The following CDC23 variants were observed in gnomAD, a reference collection of about 807,000 sequenced individuals.
CDC23 encodes the protein cell division cycle protein 23 homolog.
In CDC23, 26 loss-of-function variants were observed where a neutral mutation model predicts 81.7. The observed-to-expected ratio is 0.32, with a 90% CI of 0.23 to 0.44. CDC23 has a LOEUF of 0.44. Among genes scored for constraint, CDC23 ranks in the 20% least tolerant of loss-of-function variants. The probability of loss-of-function intolerance (pLI) is 1.00; values close to 1 mark genes in which losing one functional copy is unlikely to be tolerated. For synonymous variants in CDC23, 267 were observed against 270.8 expected, an observed-to-expected ratio of 0.99 and a Z score of 0.14; for missense variants, 519 against 728.0, an observed-to-expected ratio of 0.71 and a Z score of 3.30.
intron 9 of CDC23, among the ~76,000 whole-genome samples, chr5:138,193,596 A>T (rs1292275407): frequency 1.3e-5 from 2 of 149,986 alleles, no homozygotes; most frequent in Non-Finnish European, 1.5e-5. Context: ...ACAACATCTT[A>T]AAAAAAAAGG....
chr5:138,195,797 ATG>A (rs1204052028), intron 9 of CDC23, among the ~76,000 whole-genome samples: 15 of 128,046 alleles, frequency 1.2e-4, no homozygotes, highest in Non-Finnish European at 1.6e-4. Context: ...TATTTTATAT[ATG>A]TGTATATATA....
intron 15 of CDC23, 68 bp downstream of exon 15, chr5:138,189,565 G>T: frequency 6.6e-7 from 1 of 1,517,266 alleles, no homozygotes; most frequent in African/African-American, 1.4e-5. Flanking sequence ...GCCAAGGTAG[G>T]CTTTCCACTT....
chr5:138,197,499 T>A (rs4552586), intron 9 of CDC23, among the ~76,000 whole-genome samples: 107,207 of 146,290 alleles, frequency 0.73, 39,947 homozygotes, highest in South Asian at 0.81. Context: ...ATATTTATTT[T>A]TTTTTTTTTT....
At chr5:138,192,146 C>G in intron 11 of CDC23, 123 bp downstream of exon 11, 12 of 1,277,430 alleles carry the variant, frequency 9.4e-6, no homozygotes, top group Non-Finnish European at 1.2e-5. Flanking sequence ...CCTTCAGCAA[C>G]TTTAACCTCA....
At chr5:138,195,766 A>T (rs1299361454) in intron 9 of CDC23, among the ~76,000 whole-genome samples, 52 of 99,412 alleles carry the variant, frequency 5.2e-4, no homozygotes, top group Non-Finnish European at 7.2e-4. Context: ...TACATATATT[A>T]TATATGTGTA....
intron 11 of CDC23, 161 bp from the exon 12 acceptor site, chr5:138,192,098 C>T: frequency 2.2e-6 from 2 of 917,136 alleles, no homozygotes. Flanking sequence ...TACTATTAAC[C>T]CATTAGTGAA....
At chr5:138,211,448 A>T (rs989440788) in intron 2 of CDC23, among the ~76,000 whole-genome samples, 1 of 152,146 alleles carries the variant, frequency 6.6e-6, no homozygotes, top group Non-Finnish European at 1.5e-5. Flanking sequence ...GATCACCTGA[A>T]GTCAGGAGTT....
In CDC23 at chr5:138,198,753, C is replaced by T. The variant is rs928751426; in HGVS notation, c.684G>A (p.Trp228Ter). 1 of 1,613,938 alleles carries T rather than the reference C, an allele frequency of 6.2e-7. No homozygotes were observed. The highest frequency in any genetic ancestry group is 8.5e-7 in the Non-Finnish European group (1 of 1,179,998). Residue 228 changes from tryptophan (W) to a stop codon, truncating the protein, a stop_gained, in exon 7 of 16, where the codon TGG becomes TGA. Coordinates refer to ENST00000394886, the MANE Select transcript of CDC23 (RefSeq NM_004661.4). LOFTEE classifies it high-confidence loss of function. ...TATGAGCCAGAAAAAACTCTTTCAT[C>T]CAGGTGTCTGGCAAAGACAGGAACT... ...MLKFLSLPDT[W>*]MKEFFLAHIY... is the part of the protein sequence containing the mutation.
At chr5:138,209,289 G>A (rs1755086833) in intron 2 of CDC23, among the ~76,000 whole-genome samples, 1 of 151,774 alleles carries the variant, frequency 6.6e-6, no homozygotes, top group Non-Finnish European at 1.5e-5. Context: ...TTAGCCAGGT[G>A]TGGTGGTGAG....
chr5:138,198,488 T>C lies in CDC23; in HGVS notation c.868A>G (p.Arg290Gly). 6.2e-7 allele frequency: 1 copy of C among 1,614,166 alleles called. No homozygotes were observed. The highest frequency in any genetic ancestry group is 2.2e-5 in the East Asian group (1 of 44,880). Residue 290 changes from arginine (R) to glycine (G), a missense_variant, in exon 8 of 16, where the codon AGG (arginine) becomes GGG (glycine). Around this residue, in one of 4 missense-constraint regions of CDC23, gnomAD observed 180 missense variants for 239.3 expected, o/e 0.75. Coordinates refer to ENST00000394886, the MANE Select transcript of CDC23 (RefSeq NM_004661.4). ...TCAATCCTGTAAGGGTCTTGTTTCC[T>C]TAGCTCATTAAAAATGGAGAGGGCT... Reference protein sequence around the residue: ...DKALSIFNELRKQDPYRIENM... With the variant: ...DKALSIFNELGKQDPYRIENM...
At chr5:138,195,179 G>A (rs17228477) in intron 9 of CDC23, among the ~76,000 whole-genome samples, 6 of 151,670 alleles carry the variant, frequency 4.0e-5, no homozygotes, top group African/African-American at 1.2e-4. Flanking sequence ...AAAGCAAGCA[G>A]CCCATTAAAC....
chr5:138,191,844 G>T lies in CDC23; in HGVS notation c.1362+18C>A. ...AGCAGATTTCCACTCAAATTCTTCAGGACCCAATTTAAGGTACCTTTTTGG... is the reference window on the plus strand; with the variant it reads ...AGCAGATTTCCACTCAAATTCTTCATGACCCAATTTAAGGTACCTTTTTGG... On this transcript the variant is annotated intron_variant, in intron 12 of 15. Coordinates refer to ENST00000394886, the MANE Select transcript of CDC23 (RefSeq NM_004661.4). 1 of 1,599,226 alleles carries T rather than the reference G, an allele frequency of 6.3e-7. No homozygotes were observed. Among genetic ancestry groups the T allele is most frequent in the South Asian group, 1.1e-5 (1 of 90,740 alleles).
At chr5:138,194,942 G>A (rs1754867908) in intron 9 of CDC23, among the ~76,000 whole-genome samples, 2 of 151,440 alleles carry the variant, frequency 1.3e-5, no homozygotes, top group East Asian at 1.9e-4. Flanking sequence ...GGCTGGTCTC[G>A]AACTCCTGAG....
In CDC23 at chr5:138,213,246, T is replaced by G. The variant is rs777100864; in HGVS notation, c.67A>C (p.Asn23His). ...TAAVAPVLSI[N>H]SDFSDLREIK... is the part of the protein sequence containing the mutation. ...TCCCGCAAATCTGAGAAATCGCTGTTTATGGACAGGACAGGCGCCACTGCC... is the reference window on the plus strand; with the variant it reads ...TCCCGCAAATCTGAGAAATCGCTGTGTATGGACAGGACAGGCGCCACTGCC... The change falls in exon 1 of 16, where the codon AAC becomes CAC. Residue 23 changes from asparagine to histidine, a missense_variant. This residue lies in a region of CDC23 where 126 missense variants were observed against 116.2 expected (regional missense o/e 1.08). Transcript: ENST00000394886. 14 of 1,613,976 alleles carry G rather than the reference T, an allele frequency of 8.7e-6. No homozygotes were observed. Among genetic ancestry groups the G allele is most frequent in the African/African-American group, 1.3e-5 (1 of 74,900 alleles).
In CDC23 at chr5:138,213,058, G is replaced by T; in HGVS notation, c.167C>A (p.Ala56Glu). 1 of 1,613,956 alleles carries T rather than the reference G, an allele frequency of 6.2e-7. No individual in the cohort carries two copies. The highest frequency in any genetic ancestry group is 8.5e-7 in the Non-Finnish European group (1 of 1,179,986). Residue 56 changes from alanine (A) to glutamate (E), a missense_variant, in exon 2 of 16, where the codon GCG becomes GAG. Around this residue, in one of 4 missense-constraint regions of CDC23, gnomAD observed 126 missense variants for 116.2 expected, o/e 1.08. Coordinates refer to ENST00000394886, the MANE Select transcript of CDC23 (RefSeq NM_004661.4). ...TGCAGGGAGAGAGAAAGCCAACTCC[G>T]CCGACCTGGAACACCCACACAAACT... Reference protein sequence around the residue: ...RGLLHSSKWSAELAFSLPALP... With the variant: ...RGLLHSSKWSEELAFSLPALP...
rs1754837791 is a variant in CDC23, at chr5:138,192,486, C to T, written c.1166+18G>A. 5.6e-6 allele frequency: 9 copies of T among 1,613,550 alleles called. No homozygotes were observed. The highest frequency in any genetic ancestry group is 5.9e-6 in the Non-Finnish European group (7 of 1,179,692). ...AACCACAGCAATCTGCTCTACCTCA[C>T]CACCTATAGATAATCACCTATAAGC... On this transcript the variant is annotated intron_variant, in intron 10 of 15. Coordinates refer to ENST00000394886, the MANE Select transcript of CDC23 (RefSeq NM_004661.4).
Position 138,213,144 on chromosome 5 carries a change from C to A in CDC23, c.161+8G>T. ...CAAGCCCCGTCCCTTCCCACTCCAA[C>A]ATCTCACCATTTGCTACTGTGTAGT... On this transcript the variant is annotated splice_region_variant and intron_variant, in intron 1 of 15. Coordinates refer to ENST00000394886, the MANE Select transcript of CDC23 (RefSeq NM_004661.4). 6.2e-7 allele frequency: 1 copy of A among 1,614,178 alleles called. No individual in the cohort carries two copies. Among genetic ancestry groups the A allele is most frequent in the Middle Eastern group, 1.6e-4 (1 of 6,062 alleles).
At chr5:138,209,496 T>C (rs1755089667) in intron 2 of CDC23, among the ~76,000 whole-genome samples, 1 of 151,424 alleles carries the variant, frequency 6.6e-6, no homozygotes, top group African/African-American at 2.4e-5. Flanking sequence ...TAAGGCCTTA[T>C]ATGACATGCT....
intron 13 of CDC23, among the ~76,000 whole-genome samples, chr5:138,190,700 G>C (rs1581482417): frequency 6.6e-6 from 1 of 152,172 alleles, no homozygotes; most frequent in East Asian, 1.9e-4. Flanking sequence ...AGGAGGCAGA[G>C]GTTGCACTCT....
Sources: allele counts gnomAD v4.1 joint callset (sites outside exome capture counted in the v4.1 genomes callset), GRCh38; gene constraint gnomAD v4.1.1; regional missense constraint gnomAD v4.1.1; transcripts MANE v1.5; gene names NCBI Gene and HGNC (gene_info 2026-07-23, HGNC 2026-07-21).